NBAS: variants seen among roughly 807,000 people sequenced by gnomAD.
NBAS encodes NAG/BC035112 fusion.
NBAS carries 219 observed loss-of-function variants against 302.5 expected under a neutral mutation model. That is an observed-to-expected ratio of 0.72 (90% CI 0.65 to 0.81). The LOEUF (loss-of-function observed/expected upper bound fraction) is 0.81. Among genes scored for constraint, NBAS ranks in the 30% least tolerant of loss-of-function variants. The probability of loss-of-function intolerance (pLI) is 0.00; values close to 1 mark genes in which losing one functional copy is unlikely to be tolerated. For synonymous variants in NBAS, 1,118 were observed against 1,021.6 expected (o/e 1.09, Z -1.80); for missense variants, 2,932 against 2,841.6 (o/e 1.03, Z -0.72).
At chr2:15,391,482 C>T (rs1398663035) in intron 28 of NBAS, among the ~76,000 whole-genome samples, 1 of 151,200 alleles carries the variant, frequency 6.6e-6, no homozygotes, top group African/African-American at 2.4e-5. Context: ...AGAAATTATC[C>T]AAAATGAAAC....
chr2:14,843,007 T>C, the NBAS span, among the ~76,000 whole-genome samples: 4 of 152,300 alleles, frequency 2.6e-5, no homozygotes, highest in Non-Finnish European at 5.9e-5. Context: ...CAAGGATGGT[T>C]CAACATATGC....
the NBAS span, among the ~76,000 whole-genome samples, chr2:15,153,908 T>G: frequency 6.6e-6 from 1 of 152,228 alleles, no homozygotes; most frequent in African/African-American, 2.4e-5. Context: ...AGTGCTGTAC[T>G]AATGTGTGTT....
chr2:15,211,778 C>T (rs1322935518), intron 48 of NBAS, among the ~76,000 whole-genome samples: 3 of 152,104 alleles, frequency 2.0e-5, no homozygotes, highest in South Asian at 2.1e-4. Flanking sequence ...TTAGAGCAGA[C>T]CTCATCCAGT....
chr2:15,461,708 G>C lies in NBAS; in HGVS notation c.2181C>G (p.Leu727=), dbSNP rs182853393. ...FKKFRNQNIV[L]SARTYAQESN... The stretch of plus-strand genomic sequence containing the variant: ...TTACCTGAGCATAAGTTCTTGCTGA[G>C]AGAACAATATTCTGATTTCTGAATT... Residue 727 remains leucine (L), a synonymous_variant, in exon 20 of 52, where the codon CTC becomes CTG. Coordinates refer to ENST00000281513, the MANE Select transcript of NBAS (RefSeq NM_015909.4). 1.3e-6 allele frequency: 2 copies of C among 1,597,776 alleles called. No individual in the cohort carries two copies. Among genetic ancestry groups the C allele is most frequent in the Non-Finnish European group, 1.7e-6 (2 of 1,166,882 alleles).
At chr2:15,376,414 A>C (rs553112396) in intron 30 of NBAS, among the ~76,000 whole-genome samples, 21 of 152,318 alleles carry the variant, frequency 1.4e-4, no homozygotes, top group Non-Finnish European at 2.5e-4. Flanking sequence ...GATTGAGGTG[A>C]AATACAATTC....
chr2:15,016,615 G>GA, the NBAS span, among the ~76,000 whole-genome samples: 52,670 of 151,628 alleles, frequency 0.35, 9,787 homozygotes, highest in Non-Finnish European at 0.41. Context: ...AAAAATAGGA[G>GA]AAAAAAATCT....
At chr2:15,160,585 C>CGGGGGGGGGGGGGG in the NBAS span, among the ~76,000 whole-genome samples, 45 of 92,250 alleles carry the variant, frequency 4.9e-4, no homozygotes, top group Admixed American at 1.7e-3. Context: ...CCAGTGTGGG[C>CGGGGGGGGGGGGGG]GGGGGGAGGG....
At chr2:15,342,680 T>C (rs1248968231) in intron 35 of NBAS, among the ~76,000 whole-genome samples, 1 of 152,032 alleles carries the variant, frequency 6.6e-6, no homozygotes, top group Non-Finnish European at 1.5e-5. Flanking sequence ...TTCACATATA[T>C]TAATGTATTG....
At chr2:15,317,532 T>A (rs566728650) in intron 38 of NBAS, among the ~76,000 whole-genome samples, 129 of 152,222 alleles carry the variant, frequency 8.5e-4, no homozygotes, top group Non-Finnish European at 6.2e-4. Flanking sequence ...CTAACTAGAA[T>A]AAACAGTGTA....
intron 21 of NBAS, among the ~76,000 whole-genome samples, chr2:15,437,325 AAGAG>A (rs141961775): frequency 6.6e-6 from 1 of 151,758 alleles, no homozygotes; most frequent in African/African-American, 2.4e-5. Context: ...TTGAAAGAGA[AAGAG>A]AGAGAGAGAG....
At chr2:14,994,892 T>C in the NBAS span, among the ~76,000 whole-genome samples, 333 of 152,264 alleles carry the variant, frequency 2.2e-3, 1 homozygote, top group Admixed American at 3.9e-3. Flanking sequence ...TCACTGCTCA[T>C]TGCTCAATGG....
the NBAS span, among the ~76,000 whole-genome samples, chr2:14,983,133 T>C: frequency 6.6e-6 from 1 of 152,170 alleles, no homozygotes; most frequent in African/African-American, 2.4e-5. Context: ...CAGTGTCCCA[T>C]CTGTAAGACA....
chr2:15,358,672 T>A (rs557482446), intron 32 of NBAS, among the ~76,000 whole-genome samples: 35 of 152,250 alleles, frequency 2.3e-4, no homozygotes, highest in Middle Eastern at 6.8e-3. Flanking sequence ...CTTGAACTCC[T>A]GGACTGAAGC....
At chr2:15,307,508 A>C (rs1055697003) in intron 40 of NBAS, among the ~76,000 whole-genome samples, 15 of 152,232 alleles carry the variant, frequency 9.9e-5, no homozygotes, top group Admixed American at 2.0e-4. Flanking sequence ...AGTGGATTTT[A>C]AAGTCTAATC....
At chr2:15,009,693 C>CATATATATATATATAT in the NBAS span, among the ~76,000 whole-genome samples, 1,079 of 126,388 alleles carry the variant, frequency 8.5e-3, 10 homozygotes, top group South Asian at 0.018. Flanking sequence ...TGTAGGAATG[C>CATATATATATATATAT]ATATATATAT....
the NBAS span, among the ~76,000 whole-genome samples, chr2:15,066,656 C>T: frequency 5.9e-5 from 9 of 152,086 alleles, no homozygotes; most frequent in African/African-American, 2.2e-4. Context: ...ACAATAAGAA[C>T]CTCACATCTA....
chr2:15,403,977 G>C (rs889130054), intron 25 of NBAS, among the ~76,000 whole-genome samples: 7 of 149,978 alleles, frequency 4.7e-5, no homozygotes, highest in Non-Finnish European at 1.0e-4. Context: ...CTGGCCTCAA[G>C]TGATCCTCCT....
chr2:15,335,095 G>A (rs923807218), intron 35 of NBAS, among the ~76,000 whole-genome samples: 3 of 151,318 alleles, frequency 2.0e-5, no homozygotes, highest in Non-Finnish European at 2.9e-5. Flanking sequence ...CCCGCACTTC[G>A]GGAGGTCAAA....
the NBAS span, among the ~76,000 whole-genome samples, chr2:14,998,194 C>T: frequency 4.6e-5 from 7 of 152,150 alleles, no homozygotes; most frequent in African/African-American, 1.4e-4. Flanking sequence ...CTCCCAAACA[C>T]GATAGTGCAC....
Sources: gnomAD v4.1 joint callset for allele counts (sites outside exome capture counted in the v4.1 genomes callset) on GRCh38, gnomAD v4.1.1 for gene constraint, MANE v1.5 for transcripts, NCBI Gene and HGNC (gene_info 2026-07-23, HGNC 2026-07-21) for gene names.